LOC400499: variants seen among roughly 807,000 people sequenced by gnomAD.
At chr16:11,514,283 G>T in the LOC400499 span, 3 of 398,740 alleles carry the variant, frequency 7.5e-6, no homozygotes, top group African/African-American at 6.2e-5. Context: ...ACGGAACCTG[G>T]GCCTGCTTGG....
chr16:11,373,532 C>T, the LOC400499 span, among the ~76,000 whole-genome samples: 1 of 152,028 alleles, frequency 6.6e-6, no homozygotes, highest in African/African-American at 2.4e-5. Flanking sequence ...CGGGGTTGGG[C>T]CAGGCTGGTC....
At chr16:11,498,697 G>A in the LOC400499 span, among the ~76,000 whole-genome samples, 1 of 151,610 alleles carries the variant, frequency 6.6e-6, no homozygotes, top group African/African-American at 2.4e-5. Context: ...ACAGCCCAGA[G>A]AGGCATGAGC....
the LOC400499 span, among the ~76,000 whole-genome samples, chr16:11,467,683 C>G: frequency 2.0e-5 from 3 of 152,138 alleles, no homozygotes; most frequent in African/African-American, 7.2e-5. Flanking sequence ...TTGCATGATA[C>G]CTGCCTCCCT....
At chr16:11,391,025 T>C in the LOC400499 span, among the ~76,000 whole-genome samples, 10 of 152,326 alleles carry the variant, frequency 6.6e-5, no homozygotes, top group South Asian at 8.3e-4. Context: ...CCCCTCACTA[T>C]AATAAATCAC....
At chr16:11,462,203 G>A in the LOC400499 span, 1 of 1,534,856 alleles carries the variant, frequency 6.5e-7, no homozygotes, top group Middle Eastern at 1.7e-4. Flanking sequence ...GAGGTTCCCG[G>A]TGAAGACGAC....
At chr16:11,497,458 GC>G in the LOC400499 span, among the ~76,000 whole-genome samples, 23 of 152,372 alleles carry the variant, frequency 1.5e-4, no homozygotes, top group Middle Eastern at 3.4e-3. Flanking sequence ...CATGGGAGGG[GC>G]CGCCTGCTGG....
chr16:11,402,130 G>C, the LOC400499 span: 1 of 399,026 alleles, frequency 2.5e-6, no homozygotes, highest in African/African-American at 2.1e-5. Context: ...GTCGCGGCAG[G>C]GGGAGGGGCA....
At chr16:11,422,577 T>C in the LOC400499 span, among the ~76,000 whole-genome samples, 1 of 152,176 alleles carries the variant, frequency 6.6e-6, no homozygotes, top group East Asian at 1.9e-4. Context: ...TTATGTCACC[T>C]GTTTTATGAG....
At chr16:11,467,016 G>A in the LOC400499 span, 1 of 152,720 alleles carries the variant, frequency 6.5e-6, no homozygotes, top group Non-Finnish European at 1.5e-5. Flanking sequence ...GCAGTAGTAT[G>A]AAATCGGCTC....
the LOC400499 span, chr16:11,412,951 G>A: frequency 1.0e-5 from 4 of 399,224 alleles, no homozygotes; most frequent in South Asian, 1.3e-4. Context: ...CTTGGAACAC[G>A]AGCTGAGGAG....
chr16:11,475,887 T>G, the LOC400499 span, among the ~76,000 whole-genome samples: 2 of 152,054 alleles, frequency 1.3e-5, no homozygotes, highest in African/African-American at 4.8e-5. Context: ...CAGGGACAGA[T>G]GCTGAGGACC....
the LOC400499 span, among the ~76,000 whole-genome samples, chr16:11,435,217 A>G: frequency 3.3e-5 from 5 of 152,020 alleles, no homozygotes; most frequent in Non-Finnish European, 5.9e-5. Context: ...AGCTCAAGCA[A>G]TCCTCCCACC....
chr16:11,385,694 C>G, the LOC400499 span, among the ~76,000 whole-genome samples: 3 of 152,220 alleles, frequency 2.0e-5, no homozygotes, highest in African/African-American at 7.2e-5. Flanking sequence ...AAAAGCCTGG[C>G]TCAAATGCCA....
chr16:11,459,801 G>A, the LOC400499 span: 1 of 1,194,604 alleles, frequency 8.4e-7, no homozygotes, highest in Non-Finnish European at 1.1e-6. Flanking sequence ...TTGCATCCTT[G>A]TAGCCAGGGC....
the LOC400499 span, among the ~76,000 whole-genome samples, chr16:11,505,449 T>C: frequency 8.1e-6 from 1 of 122,742 alleles, no homozygotes. Flanking sequence ...TCTTTTCTTT[T>C]TTTTTTTTTT....
At chr16:11,415,342 C>T in the LOC400499 span, among the ~76,000 whole-genome samples, 26 of 152,336 alleles carry the variant, frequency 1.7e-4, no homozygotes, top group East Asian at 3.5e-3. Context: ...GTGCAGCTCA[C>T]GGCTCAGGCC....
At chr16:11,504,789 G>A in the LOC400499 span, among the ~76,000 whole-genome samples, 2 of 152,126 alleles carry the variant, frequency 1.3e-5, no homozygotes, top group East Asian at 3.9e-4. Context: ...TGGGCATGGT[G>A]GCATGAGCCT....
the LOC400499 span, chr16:11,391,720 G>A: frequency 8.1e-7 from 1 of 1,232,294 alleles, no homozygotes. Flanking sequence ...TCCAGGTAAA[G>A]AGGCAGGTGC....
the LOC400499 span, among the ~76,000 whole-genome samples, chr16:11,405,364 T>TG: frequency 6.6e-6 from 1 of 152,338 alleles, no homozygotes; most frequent in Middle Eastern, 3.4e-3. Context: ...AGCCAAGACC[T>TG]GGTCCTGGCC....
Sources: allele counts gnomAD v4.1 joint callset (sites outside exome capture counted in the v4.1 genomes callset), GRCh38; gene constraint gnomAD v4.1.1; transcripts MANE v1.5.